PIAS1: variants seen among roughly 807,000 people sequenced by gnomAD.
PIAS1 encodes the protein protein inhibitor of activated STAT 1.
In PIAS1, 6 loss-of-function variants were observed where a neutral mutation model predicts 71.3. The ratio of observed to expected loss-of-function variants is 0.08; its 90% CI spans 0.05 to 0.17. The LOEUF is 0.17. Ranked by LOEUF, PIAS1 falls within the 10% of genes least tolerant of loss-of-function variation. The pLI is 1.00. For synonymous variants in PIAS1, 303 were observed against 292.9 expected (o/e 1.03, Z -0.35); for missense variants, 555 against 793.6 (o/e 0.70, Z 3.61).
At position 68,187,300 on chromosome 15, in the gene PIAS1, CAAAA is replaced by C. The variant is rs2093094177; in HGVS notation, c.1663-239_1663-236del. Reference sequence around the variant, plus strand: ...TAATTGCTTGCAATACAAACTAAAACAAAAAACAATAAAATTTATATTTTGTTTT... The same window carrying C: ...TAATTGCTTGCAATACAAACTAAAACAACAATAAAATTTATATTTTGTTTT... On this transcript the variant is annotated intron_variant, in intron 13 of 13. Coordinates refer to ENST00000249636, the MANE Select transcript of PIAS1 (RefSeq NM_016166.3). This position sits in a 1 kb window ranked among gnomAD's most constrained non-coding sequence, Gnocchi z 5.3. 6.6e-6 allele frequency among the ~76,000 whole-genome samples: 1 copy of C among 152,004 alleles called. No homozygotes were observed. Among genetic ancestry groups the C allele is most frequent in the Non-Finnish European group, 1.5e-5 (1 of 67,984 alleles).
Position 68,086,831 on chromosome 15 carries a change from T to A in PIAS1, c.469+81T>A. 1.4e-6 allele frequency: 1 copy of A among 735,616 alleles called. No individual in the cohort carries two copies. The highest frequency in any genetic ancestry group is 2.2e-6 in the Non-Finnish European group (1 of 445,786). The allele number at this position is 735,616 out of a possible 1,614,324, so 45.6% of individuals were successfully genotyped here. ...AGGCTTTTACTTTGACCCAGTTTAT[T>A]ATTCATAATGAAATTTTCATTTGAT... On this transcript the variant is annotated intron_variant, in intron 2 of 13. Coordinates refer to ENST00000249636, the MANE Select transcript of PIAS1 (RefSeq NM_016166.3). This position sits in a 1 kb window ranked among gnomAD's most constrained non-coding sequence, Gnocchi z 7.2.
rs1047487389 is a variant in PIAS1, at chr15:68,077,026, G to A, written c.25-9280G>A. On this transcript the variant is annotated intron_variant, in intron 1 of 13. Coordinates refer to ENST00000249636, the MANE Select transcript of PIAS1 (RefSeq NM_016166.3). ...GAAGTTTAATGGCATGAAACATTAC[G>A]TTCTACTTTTAAATTAAAAAAATTG... is the stretch of plus-strand genomic sequence containing the variant. Among the ~76,000 whole-genome samples, 28 of 152,230 alleles carry A rather than the reference G, an allele frequency of 1.8e-4. 1 individual carries two copies. The highest frequency in any genetic ancestry group is 5.8e-4 in the African/African-American group (24 of 41,544).
intron 1 of PIAS1, among the ~76,000 whole-genome samples, chr15:68,072,878 G>T (rs1428186990): frequency 1.3e-5 from 2 of 152,060 alleles, no homozygotes; most frequent in African/African-American, 4.8e-5. Flanking sequence ...GTAGGATTAA[G>T]TATAAACTTC....
At chr15:68,067,586 T>G (rs2092042554) in intron 1 of PIAS1, among the ~76,000 whole-genome samples, 1 of 152,134 alleles carries the variant, frequency 6.6e-6, no homozygotes, top group Non-Finnish European at 1.5e-5. Context: ...TCTGTGAAGC[T>G]TATAATACAA....
At chr15:68,148,396 G>A (rs2141055523) in intron 6 of PIAS1, among the ~76,000 whole-genome samples, 1 of 152,052 alleles carries the variant, frequency 6.6e-6, no homozygotes, top group Admixed American at 6.5e-5. Flanking sequence ...AACCATTCAG[G>A]GCATTGTAGG....
chr15:68,173,369 T>TAA lies in PIAS1; in HGVS notation c.1009-352_1009-351dup, dbSNP rs71986365. On this transcript the variant is annotated intron_variant, in intron 8 of 13. Coordinates refer to ENST00000249636, the MANE Select transcript of PIAS1 (RefSeq NM_016166.3). The surrounding 1 kb of genome is among the most constrained non-coding windows in gnomAD (Gnocchi z 4.3). ...GCAATATAGCAAGACCCCATCTGTT[T>TAA]AAAAAAAAAAAACTGGTGAAAGCAC... is the stretch of plus-strand genomic sequence containing the variant. Among the ~76,000 whole-genome samples, 1 of 144,668 alleles carries TAA rather than the reference T, an allele frequency of 6.9e-6. No individual in the cohort carries two copies. The allele number at this position is 144,668 out of a possible 152,430, so 94.9% of individuals were successfully genotyped here. A position where few individuals can be genotyped will look rare whatever the true frequency, so the allele number is the denominator to read the frequency against.
In PIAS1 at chr15:68,135,382, G is replaced by A. The variant is rs1164405903; in HGVS notation, c.470-6564G>A. ...CGGGCGGGGGGCTGACCCCCACACC[G>A]CCCTCCCAGACGGGGCGGCTGGCCG... On this transcript the variant is annotated intron_variant, in intron 2 of 13. Transcript: ENST00000249636. Among the ~76,000 whole-genome samples the A allele has an allele frequency of 3.4e-4, 13 of 37,800 alleles. 1 individual carries two copies. Among genetic ancestry groups the A allele is most frequent in the African/African-American group, 7.6e-4 (13 of 17,186 alleles). The allele number at this position is 37,800 out of a possible 152,430, so 24.8% of individuals were successfully genotyped here.
chr15:68,138,772 G>A (rs1157838427), intron 2 of PIAS1, among the ~76,000 whole-genome samples: 2 of 152,180 alleles, frequency 1.3e-5, no homozygotes, highest in Non-Finnish European at 2.9e-5. Context: ...ACCATGCCCA[G>A]CCAGTTCTGT....
At position 68,178,084 on chromosome 15, in the gene PIAS1, C is replaced by T. The variant is rs1286632934; in HGVS notation, c.1481+1430C>T. Among the ~76,000 whole-genome samples, 1 of 152,160 alleles carries T rather than the reference C, an allele frequency of 6.6e-6. No individual in the cohort carries two copies. Among genetic ancestry groups the T allele is most frequent in the East Asian group, 1.9e-4 (1 of 5,198 alleles). On this transcript the variant is annotated intron_variant, in intron 11 of 13. Coordinates refer to ENST00000249636, the MANE Select transcript of PIAS1 (RefSeq NM_016166.3). The surrounding 1 kb of genome is among the most constrained non-coding windows in gnomAD (Gnocchi z 4.2). ...AGATTTCTATCAGTTTGAGACCAGC[C>T]TGGGCAACATGGTAAAACCCTGTCT...
At chr15:68,104,122 T>C (rs1415718287) in intron 2 of PIAS1, among the ~76,000 whole-genome samples, 1 of 152,218 alleles carries the variant, frequency 6.6e-6, no homozygotes, top group Non-Finnish European at 1.5e-5. Flanking sequence ...TTTTTTAATA[T>C]AGTCATCCTA....
chr15:68,104,995 T>C (rs913992555), intron 2 of PIAS1, among the ~76,000 whole-genome samples: 7 of 152,214 alleles, frequency 4.6e-5, no homozygotes, highest in Non-Finnish European at 8.8e-5. Context: ...CTATAGTGTA[T>C]AGCTAAGAAG....
rs73423788 is a variant in PIAS1 at position 68,154,865 on chromosome 15, A to T, written c.934+1170A>T. 2.0e-5 allele frequency among the ~76,000 whole-genome samples: 3 copies of T among 152,180 alleles called. No individual in the cohort carries two copies. The East Asian group carries it at 5.8e-4, about 29-fold the overall frequency. The stretch of plus-strand genomic sequence containing the variant: ...GAAGATGGTAGGGATCCTGAAAGAA[A>T]AGACAGACATCTGCCTTGAAGGAGA... On this transcript the variant is annotated intron_variant, in intron 7 of 13. Transcript: ENST00000249636.
chr15:68,097,430 T>G (rs1358395308), intron 2 of PIAS1, among the ~76,000 whole-genome samples: 2 of 151,992 alleles, frequency 1.3e-5, no homozygotes, highest in Non-Finnish European at 2.9e-5. Flanking sequence ...ATTAATTAAT[T>G]AATTTATTTA....
intron 2 of PIAS1, among the ~76,000 whole-genome samples, chr15:68,138,620 G>T (rs1446634392): frequency 1.3e-5 from 2 of 152,060 alleles, no homozygotes; most frequent in Non-Finnish European, 2.9e-5. Context: ...GATTACAGGC[G>T]CATGCCACCA....
At chr15:68,138,292 G>A (rs556958258) in intron 2 of PIAS1, among the ~76,000 whole-genome samples, 1 of 152,076 alleles carries the variant, frequency 6.6e-6, no homozygotes, top group Non-Finnish European at 1.5e-5. Context: ...AAAGCCTTAG[G>A]TGCCTCTTGA....
At chr15:68,156,326 A>G (rs2092888974) in intron 7 of PIAS1, among the ~76,000 whole-genome samples, 1 of 152,200 alleles carries the variant, frequency 6.6e-6, no homozygotes. Context: ...TACTTAAGGC[A>G]AGATTATAAG....
At chr15:68,170,716 C>T (rs573685258) in intron 8 of PIAS1, among the ~76,000 whole-genome samples, 4 of 152,294 alleles carry the variant, frequency 2.6e-5, no homozygotes, top group East Asian at 3.9e-4. Flanking sequence ...TCTTGGCTCA[C>T]GGTAACCTCT....
At position 68,178,684 on chromosome 15, in the gene PIAS1, A is replaced by G. The variant is rs2093034639; in HGVS notation, c.1481+2030A>G. On this transcript the variant is annotated intron_variant, in intron 11 of 13. Coordinates refer to ENST00000249636, the MANE Select transcript of PIAS1 (RefSeq NM_016166.3). This position sits in a 1 kb window ranked among gnomAD's most constrained non-coding sequence, Gnocchi z 4.2. ...AGATATTTCATAAACCTCTGGATAT[A>G]TAAATACTTTTGGGCTAAATGCATC... 2.0e-5 allele frequency among the ~76,000 whole-genome samples: 3 copies of G among 152,210 alleles called. 1 individual carries two copies. Among genetic ancestry groups the G allele is most frequent in the South Asian group, 4.1e-4 (2 of 4,836 alleles).
At chr15:68,176,768 C>T in intron 11 of PIAS1, 114 bp downstream of exon 11, 1 of 775,964 alleles carries the variant, frequency 1.3e-6, no homozygotes, top group Non-Finnish European at 2.0e-6. Flanking sequence ...ACTTAGCAAT[C>T]AAAGAATAGT....
Sources: gnomAD v4.1 joint callset for allele counts (sites outside exome capture counted in the v4.1 genomes callset) on GRCh38, gnomAD v4.1.1 for gene constraint, Gnocchi (gnomAD v3.1) non-coding constraint, MANE v1.5 for transcripts, NCBI Gene and HGNC (gene_info 2026-07-23, HGNC 2026-07-21) for gene names.